MAP3K13: variants seen among roughly 807,000 people sequenced by gnomAD.
The protein encoded by MAP3K13 is mitogen-activated protein kinase kinase kinase 13.
A neutral mutation model predicts 104.0 loss-of-function variants in MAP3K13; 52 were observed. The observed-to-expected ratio is 0.50, with a 90% confidence interval of 0.40 to 0.63. The LOEUF is 0.63. Ranked by LOEUF, MAP3K13 falls within the 20% of genes least tolerant of loss-of-function variation. MAP3K13 has a pLI of 0.00. For missense variants in MAP3K13, 914 were observed against 1,218.5 expected, an observed-to-expected ratio of 0.75 and a Z score of 3.72; for synonymous variants, 394 against 442.2, an observed-to-expected ratio of 0.89 and a Z score of 1.37.
At chr3:185,351,467 C>T (rs997651517) in intron 2 of MAP3K13, among the ~76,000 whole-genome samples, 1 of 152,124 alleles carries the variant, frequency 6.6e-6, no homozygotes, top group East Asian at 1.9e-4. Context: ...AAGAAAGAGG[C>T]AGTGTTAGTG....
intron 11 of MAP3K13, among the ~76,000 whole-genome samples, chr3:185,475,623 G>A (rs954899306): frequency 1.3e-5 from 2 of 149,042 alleles, no homozygotes; most frequent in Admixed American, 6.8e-5. Context: ...AGGCCAAGGC[G>A]GGTGGAACAC....
chr3:185,462,419 G>A (rs766702283), intron 7 of MAP3K13, among the ~76,000 whole-genome samples: 1 of 152,104 alleles, frequency 6.6e-6, no homozygotes, highest in Admixed American at 6.5e-5. Flanking sequence ...GCTGCCTTGT[G>A]GTTGTGCCTT....
intron 1 of MAP3K13, among the ~76,000 whole-genome samples, chr3:185,367,914 T>C (rs1723965776): frequency 1.3e-5 from 2 of 152,212 alleles, no homozygotes; most frequent in Admixed American, 6.5e-5. Context: ...TATAAACCTG[T>C]TGGGAGCTTT....
intron 5 of MAP3K13, 118 bp from the exon 6 acceptor site, chr3:185,449,782 C>A (rs887191430): frequency 2.6e-6 from 2 of 771,960 alleles, no homozygotes; most frequent in African/African-American, 1.8e-5. Flanking sequence ...TTTCTTATAG[C>A]AGTATTAGAA....
intron 1 of MAP3K13, among the ~76,000 whole-genome samples, chr3:185,394,458 T>A (rs1712259990): frequency 6.6e-6 from 1 of 152,218 alleles, no homozygotes; most frequent in South Asian, 2.1e-4. Flanking sequence ...ATGCCTGGGA[T>A]GTTTAGCATA....
At chr3:185,405,132 A>T (rs1713040754) in intron 1 of MAP3K13, among the ~76,000 whole-genome samples, 1 of 152,146 alleles carries the variant, frequency 6.6e-6, no homozygotes, top group Non-Finnish European at 1.5e-5. Flanking sequence ...CTACTGTTAG[A>T]TTTCTAGAAG....
intron 2 of MAP3K13, 34 bp from the exon 3 acceptor site, chr3:185,437,413 T>A: frequency 1.0e-5 from 16 of 1,595,738 alleles, no homozygotes; most frequent in Non-Finnish European, 1.4e-5. Context: ...CCTTCTGAGA[T>A]CTCTTCAAGC....
rs71162293 is a variant in MAP3K13, at chr3:185,329,893, C to CTTTTT, written c.-86+44267_-86+44271dup. Among the ~76,000 whole-genome samples, 23 of 104,664 alleles carry CTTTTT rather than the reference C, an allele frequency of 2.2e-4. 1 individual carries two copies. Among genetic ancestry groups the CTTTTT allele is most frequent in the South Asian group, 6.7e-4 (2 of 2,996 alleles). 68.7% of individuals were successfully genotyped at this position (104,664 alleles called of 152,430 possible). A position where few individuals can be genotyped will look rare whatever the true frequency, so the allele number is the denominator to read the frequency against. Reference sequence around the variant, plus strand: ...ATAAAAGGTCGAATTAGCCAGTAGCCTTTTTTTTTTTTTTTTTTTTTGAGA... The same window carrying CTTTTT: ...ATAAAAGGTCGAATTAGCCAGTAGCCTTTTTTTTTTTTTTTTTTTTTTTTTTGAGA... On this transcript the variant is annotated intron_variant, in intron 2 of 14. Transcript: ENST00000424227.
At chr3:185,354,763 A>G (rs762809940) in intron 2 of MAP3K13, among the ~76,000 whole-genome samples, 5 of 152,134 alleles carry the variant, frequency 3.3e-5, no homozygotes, top group African/African-American at 4.8e-5. Context: ...TTTAACATCT[A>G]CACCATTTTG....
At chr3:185,370,491 C>T (rs867055964) in intron 1 of MAP3K13, among the ~76,000 whole-genome samples, 2 of 152,082 alleles carry the variant, frequency 1.3e-5, no homozygotes, top group East Asian at 1.9e-4. Flanking sequence ...CCACTGCGCC[C>T]GGTCCTTTCA....
intron 2 of MAP3K13, among the ~76,000 whole-genome samples, chr3:185,295,264 G>A (rs1488069519): frequency 6.6e-6 from 1 of 152,110 alleles, no homozygotes; most frequent in Non-Finnish European, 1.5e-5. Context: ...GGAGTGCAGT[G>A]GTGCAATCTT....
chr3:185,390,250 T>C (rs766415525), intron 1 of MAP3K13, among the ~76,000 whole-genome samples: 6 of 152,190 alleles, frequency 3.9e-5, no homozygotes, highest in Non-Finnish European at 7.3e-5. Context: ...CACAGTGCTT[T>C]ACATATTTAA....
Position 185,483,938 on chromosome 3 carries a change from C to T in MAP3K13, c.*1482C>T, listed in dbSNP as rs1718605659. 6.6e-6 allele frequency: 1 copy of T among 152,174 alleles called. No homozygotes were observed. Among genetic ancestry groups the T allele is most frequent in the African/African-American group, 2.4e-5 (1 of 41,396 alleles). 9.4% of individuals were successfully genotyped at this position (152,174 alleles called of 1,614,324 possible). On this transcript the variant is annotated 3_prime_UTR_variant, in exon 14 of 14. Coordinates refer to ENST00000265026, the MANE Select transcript of MAP3K13 (RefSeq NM_004721.5). ...TGTTGGCCAGGCTTGTCTCAAACTC[C>T]TGACCTCAGGTGATCCGCCTGCCTC...
rs373770483 is a variant in MAP3K13, at chr3:185,444,858, C to CTA, written c.851+1225_851+1226dup. ...ATTAGCCAGGCATGGTAGTATGAGC[C>CTA]TATAGTTCAAGCTACTCAGGAGGCT... is the stretch of plus-strand genomic sequence containing the variant. On this transcript the variant is annotated intron_variant, in intron 4 of 13. Transcript: ENST00000265026. Among the ~76,000 whole-genome samples the CTA allele has an allele frequency of 3.2e-3, 481 of 152,108 alleles. 3 individuals carry two copies. Among genetic ancestry groups the CTA allele is most frequent in the African/African-American group, 0.011 (450 of 41,492 alleles).
upstream of MAP3K13, among the ~76,000 whole-genome samples, chr3:185,359,940 C>CA (rs568810936): frequency 0.013 from 1,735 of 135,620 alleles, 16 homozygotes; most frequent in African/African-American, 0.033. Flanking sequence ...TTTTTTTCCT[C>CA]AAAAAAAAAA....
At position 185,354,340 on chromosome 3, in the gene MAP3K13, G is replaced by A. The variant is rs977118191; in HGVS notation, c.-86+68697G>A. On this transcript the variant is annotated intron_variant, in intron 2 of 14. Transcript: ENST00000424227. ...CCTAACCTGTAGGCTTCAAACCGGG[G>A]CAACGGCAATCCAAGTGCCTAGGGA... 2.7e-5 allele frequency among the ~76,000 whole-genome samples: 4 copies of A among 150,620 alleles called. No individual in the cohort carries two copies. The South Asian group carries it at 6.4e-4, about 24-fold the overall frequency.
intron 2 of MAP3K13, among the ~76,000 whole-genome samples, chr3:185,294,752 A>T (rs1374603137): frequency 6.6e-6 from 1 of 152,200 alleles, no homozygotes; most frequent in African/African-American, 2.4e-5. Flanking sequence ...CTACCTCTCC[A>T]TGTAGGAAGT....
chr3:185,373,579 T>G (rs562166080), intron 1 of MAP3K13, among the ~76,000 whole-genome samples: 1 of 152,092 alleles, frequency 6.6e-6, no homozygotes, highest in Admixed American at 6.5e-5. Flanking sequence ...GAGGCGGAGG[T>G]TGCAGTGAGC....
At chr3:185,365,406 T>C (rs572012990) in intron 1 of MAP3K13, among the ~76,000 whole-genome samples, 51 of 152,310 alleles carry the variant, frequency 3.3e-4, no homozygotes, top group Non-Finnish European at 1.5e-5. Context: ...CCTGGGGAAC[T>C]GTCAAAAGAA....
Sources: gnomAD v4.1 joint callset for allele counts (sites outside exome capture counted in the v4.1 genomes callset) on GRCh38, gnomAD v4.1.1 for gene constraint, MANE v1.5 for transcripts, NCBI Gene and HGNC (gene_info 2026-07-23, HGNC 2026-07-21) for gene names.